KLHL29: variants seen among roughly 807,000 people sequenced by gnomAD.
KLHL29 encodes kelch like family member 29.
KLHL29 carries 21 observed loss-of-function variants against 80.4 expected under a neutral mutation model. The ratio of observed to expected loss-of-function variants is 0.26; its 90% confidence interval spans 0.19 to 0.38. The LOEUF is 0.38. KLHL29 is among the 10% of genes least tolerant of loss of function. The pLI is 1.00. For synonymous variants in KLHL29, 511 were observed against 526.8 expected (o/e 0.97, Z 0.41); for missense variants, 867 against 1,223.9 (o/e 0.71, Z 4.35).
intron 2 of KLHL29, among the ~76,000 whole-genome samples, chr2:23,484,906 G>C (rs764416220): frequency 1.3e-5 from 2 of 152,154 alleles, no homozygotes; most frequent in Non-Finnish European, 2.9e-5. Context: ...CGCTGAGCAA[G>C]TCTTCCAGAA....
intron 5 of KLHL29, among the ~76,000 whole-genome samples, chr2:23,657,951 C>T (rs527959441): frequency 6.6e-6 from 1 of 152,304 alleles, no homozygotes; most frequent in Non-Finnish European, 1.5e-5. Context: ...CCTCTGAGGC[C>T]AATGGGCTTT....
At chr2:23,485,483 G>T (rs1259095368) in intron 2 of KLHL29, among the ~76,000 whole-genome samples, 1 of 152,180 alleles carries the variant, frequency 6.6e-6, no homozygotes, top group African/African-American at 2.4e-5. Flanking sequence ...CCACCCCTGG[G>T]GACATGGTGC....
chr2:23,511,249 G>A (rs1350693457), intron 2 of KLHL29, among the ~76,000 whole-genome samples: 3 of 152,170 alleles, frequency 2.0e-5, no homozygotes, highest in Non-Finnish European at 4.4e-5. Flanking sequence ...AGCTCACCAG[G>A]TGACTCCCAG....
chr2:23,650,626 CT>C (rs1161712866), intron 5 of KLHL29, among the ~76,000 whole-genome samples: 1 of 152,208 alleles, frequency 6.6e-6, no homozygotes. Context: ...TTCTCAGGGG[CT>C]TTGACCTGGG....
rs116053444 is a variant in KLHL29, at chr2:23,476,506, G to A, written c.-46+839G>A. On this transcript the variant is annotated intron_variant, in intron 2 of 13. Coordinates refer to ENST00000486442, the MANE Select transcript of KLHL29 (RefSeq NM_052920.2). ...CAGGATCTGACTGTGGGTACTGTTC[G>A]GGGGGCATGTTATTTAGATTCCACA... Among the ~76,000 whole-genome samples, 1,218 of 152,056 alleles carry A rather than the reference G, an allele frequency of 8.0e-3. 18 individuals are homozygous for A. The highest frequency in any genetic ancestry group is 0.027 in the African/African-American group (1,109 of 41,462).
chr2:23,460,421 G>C (rs928530812), intron 1 of KLHL29, among the ~76,000 whole-genome samples: 9 of 152,140 alleles, frequency 5.9e-5, no homozygotes, highest in Non-Finnish European at 1.0e-4. Flanking sequence ...TCATGATGTA[G>C]GGGGGAAGGG....
Position 23,542,668 on chromosome 2 carries a change from A to C in KLHL29, c.-45-19484A>C, listed in dbSNP as rs6718839. 3.0e-3 allele frequency among the ~76,000 whole-genome samples: 456 copies of C among 152,334 alleles called. 3 individuals are homozygous for C. The highest frequency in any genetic ancestry group is 0.011 in the African/African-American group (437 of 41,586). The stretch of plus-strand genomic sequence containing the variant: ...TTCCTGCATTCTCTCCCCAGGGTGG[A>C]GGCCAGAGAGAGATCGTTCTTGCAG... On this transcript the variant is annotated intron_variant, in intron 2 of 13. Transcript: ENST00000486442.
intron 2 of KLHL29, among the ~76,000 whole-genome samples, chr2:23,554,027 A>G (rs1667197120): frequency 6.6e-6 from 1 of 152,194 alleles, no homozygotes; most frequent in Admixed American, 6.5e-5. Flanking sequence ...AGCCTCAGCC[A>G]GAAGCAAGAC....
At chr2:23,554,892 G>A (rs565593125) in intron 2 of KLHL29, among the ~76,000 whole-genome samples, 14 of 152,124 alleles carry the variant, frequency 9.2e-5, no homozygotes, top group African/African-American at 1.7e-4. Flanking sequence ...GTCCGACACC[G>A]CCCCCCAACA....
chr2:23,482,852 CATTCATTCATTCATT>C (rs1558354816), intron 2 of KLHL29, among the ~76,000 whole-genome samples: 103 of 151,982 alleles, frequency 6.8e-4, no homozygotes, highest in African/African-American at 2.3e-3. Context: ...TTCATTCATT[CATTCATTCATTCATT>C]CATCCATCAC....
intron 1 of KLHL29, among the ~76,000 whole-genome samples, chr2:23,413,207 G>T (rs1029763799): frequency 6.6e-6 from 1 of 152,158 alleles, no homozygotes; most frequent in Non-Finnish European, 1.5e-5. Flanking sequence ...GCAGCTCCTC[G>T]ACCTCACATT....
intron 1 of KLHL29, among the ~76,000 whole-genome samples, chr2:23,468,313 G>C (rs560407301): frequency 1.3e-5 from 2 of 152,282 alleles, no homozygotes; most frequent in Admixed American, 6.5e-5. Context: ...GTGTCTCCGA[G>C]ACTAGGATGG....
intron 2 of KLHL29, among the ~76,000 whole-genome samples, chr2:23,541,073 C>T (rs1038479473): frequency 1.3e-5 from 2 of 152,196 alleles, no homozygotes; most frequent in Non-Finnish European, 2.9e-5. Flanking sequence ...AAGAAAGATC[C>T]TACTATCAGA....
chr2:23,481,137 G>T (rs1664786825), intron 2 of KLHL29, among the ~76,000 whole-genome samples: 1 of 152,216 alleles, frequency 6.6e-6, no homozygotes, highest in Admixed American at 6.5e-5. Flanking sequence ...TGAGATCACA[G>T]TCAGTCTCTG....
chr2:23,533,046 C>T (rs34774254), intron 2 of KLHL29, among the ~76,000 whole-genome samples: 16,599 of 152,216 alleles, frequency 0.11, 935 homozygotes, highest in Non-Finnish European at 0.13. Flanking sequence ...TGGTCTTTGA[C>T]GAGTTCAAGG....
rs536789121 is a variant in KLHL29, at chr2:23,555,128, C to A, written c.-45-7024C>A. 1.3e-4 allele frequency among the ~76,000 whole-genome samples: 19 copies of A among 146,968 alleles called. No homozygotes were observed. The East Asian group carries it at 3.4e-3, about 27-fold the overall frequency. ...ATTTATGGAGGATGACCTCCCCCCCCCCCTCAACTTGTGTCTCCCAGTGTC... is the reference window on the plus strand; with the variant it reads ...ATTTATGGAGGATGACCTCCCCCCCACCCTCAACTTGTGTCTCCCAGTGTC... On this transcript the variant is annotated intron_variant, in intron 2 of 13. Transcript: ENST00000486442.
intron 3 of KLHL29, 95 bp from the exon 4 acceptor site, chr2:23,639,044 G>A: frequency 8.0e-7 from 1 of 1,257,856 alleles, no homozygotes; most frequent in East Asian, 2.9e-5. Flanking sequence ...GGCAACTGGA[G>A]TCTTGTTTTG....
chr2:23,424,121 C>A (rs1328491939), intron 1 of KLHL29, among the ~76,000 whole-genome samples: 1 of 152,198 alleles, frequency 6.6e-6, no homozygotes, highest in Non-Finnish European at 1.5e-5. Context: ...CTCTGAGGAA[C>A]GGTGGGTAGA....
At chr2:23,666,427 T>C (rs576787996) in intron 5 of KLHL29, among the ~76,000 whole-genome samples, 1 of 151,994 alleles carries the variant, frequency 6.6e-6, no homozygotes, top group African/African-American at 2.4e-5. Flanking sequence ...GAGGACACTA[T>C]AGTGTGCGGT....
Sources: gnomAD v4.1 joint callset for allele counts (sites outside exome capture counted in the v4.1 genomes callset) on GRCh38, gnomAD v4.1.1 for gene constraint, MANE v1.5 for transcripts, NCBI Gene and HGNC (gene_info 2026-07-23, HGNC 2026-07-21) for gene names.